Variants in HPSE2 observed in about 807,000 individuals in gnomAD.
HPSE2 encodes the protein inactive heparanase-2.
Under a neutral mutation model 60.5 loss-of-function variants are expected in HPSE2, and 38 were observed. The observed-to-expected ratio is 0.63, with a 90% CI of 0.48 to 0.82. The LOEUF (loss-of-function observed/expected upper bound fraction) is 0.82, where lower values mean the gene tolerates loss of function less well. Among genes scored for constraint, HPSE2 ranks in the 40% least tolerant of loss-of-function variants. HPSE2 has a pLI of 0.00. For synonymous variants in HPSE2, 295 were observed against 293.2 expected, an observed-to-expected ratio of 1.01 and a Z score of -0.06; for missense variants, 713 against 740.4, an observed-to-expected ratio of 0.96 and a Z score of 0.43.
At chr10:98,879,416 T>C (rs1389979435) in intron 3 of HPSE2, among the ~76,000 whole-genome samples, 2 of 152,184 alleles carry the variant, frequency 1.3e-5, no homozygotes, top group Admixed American at 6.6e-5. Context: ...ACACAATACA[T>C]ACACTATAAA....
chr10:98,788,693 G>C (rs1950587061), intron 3 of HPSE2, among the ~76,000 whole-genome samples: 1 of 152,020 alleles, frequency 6.6e-6, no homozygotes, highest in Non-Finnish European at 1.5e-5. Context: ...ATTTGGGTGG[G>C]AGTGACCCGA....
chr10:99,282,753 A>G, the HPSE2 span, among the ~76,000 whole-genome samples: 1 of 152,206 alleles, frequency 6.6e-6, no homozygotes, highest in Non-Finnish European at 1.5e-5. Flanking sequence ...ATGCTTAAAC[A>G]AACAATCAGA....
intron 2 of HPSE2, among the ~76,000 whole-genome samples, chr10:99,180,856 C>A (rs1226362154): frequency 7.9e-6 from 1 of 126,612 alleles, no homozygotes; most frequent in African/African-American, 2.9e-5. Flanking sequence ...AGCCACTGCA[C>A]TCCAGCCTGG....
chr10:98,467,865 G>GA (rs1225575363), intron 11 of HPSE2, among the ~76,000 whole-genome samples: 5 of 152,376 alleles, frequency 3.3e-5, no homozygotes, highest in African/African-American at 7.2e-5. Flanking sequence ...GGAAACGTGC[G>GA]AAACGGGACT....
intron 3 of HPSE2, among the ~76,000 whole-genome samples, chr10:99,015,899 T>C (rs1180073300): frequency 6.6e-6 from 1 of 152,266 alleles, no homozygotes; most frequent in Non-Finnish European, 1.5e-5. Flanking sequence ...CTTGTTTTTT[T>C]CCTATAAATT....
chr10:98,719,215 C>T (rs1948861113), intron 5 of HPSE2, among the ~76,000 whole-genome samples: 2 of 152,076 alleles, frequency 1.3e-5, no homozygotes, highest in South Asian at 4.2e-4. Context: ...ACTCATTCAA[C>T]AAGCATTTAT....
chr10:98,841,027 G>C (rs528647603), intron 3 of HPSE2, among the ~76,000 whole-genome samples: 11 of 152,262 alleles, frequency 7.2e-5, no homozygotes, highest in African/African-American at 2.4e-4. Context: ...GGAGGCCAAG[G>C]GGGGCGAATC....
chr10:98,893,582 A>G (rs1232236539), intron 3 of HPSE2, among the ~76,000 whole-genome samples: 1 of 152,208 alleles, frequency 6.6e-6, no homozygotes, highest in Non-Finnish European at 1.5e-5. Context: ...ATAGCAAATT[A>G]GATACCCTGA....
chr10:98,809,719 G>A (rs940895217), intron 3 of HPSE2, among the ~76,000 whole-genome samples: 1 of 152,040 alleles, frequency 6.6e-6, no homozygotes, highest in Non-Finnish European at 1.5e-5. Context: ...TTAGTGCAAG[G>A]TGGATCTTGA....
intron 6 of HPSE2, among the ~76,000 whole-genome samples, chr10:98,689,156 A>G (rs555350): frequency 0.35 from 53,662 of 151,874 alleles, 9,718 homozygotes; most frequent in Admixed American, 0.41. Context: ...GGAGAAGTTC[A>G]GCTTTGATTT....
chr10:98,837,363 T>C (rs1485446699), intron 3 of HPSE2, among the ~76,000 whole-genome samples: 2 of 152,174 alleles, frequency 1.3e-5, no homozygotes, highest in Non-Finnish European at 2.9e-5. Context: ...GTGTACTTTA[T>C]ATAAGGTAGA....
intron 4 of HPSE2, among the ~76,000 whole-genome samples, chr10:98,725,882 A>G (rs1296769994): frequency 1.3e-5 from 2 of 152,226 alleles, no homozygotes; most frequent in African/African-American, 2.4e-5. Context: ...AACACATGAA[A>G]AAATGCTCAC....
rs149874945 is a variant in HPSE2 at position 98,607,932 on chromosome 10, T to C, written c.1320+6972A>G. Among the ~76,000 whole-genome samples, 503 of 152,310 alleles carry C rather than the reference T, an allele frequency of 3.3e-3. 2 individuals carry two copies. The highest frequency in any genetic ancestry group is 5.3e-3 in the Non-Finnish European group (358 of 68,026). ...TATTAATGATAATTATTGTGACTTA[T>C]AGAATTTTAACAAAGTGACTTTATA... On this transcript the variant is annotated intron_variant, in intron 9 of 11. Transcript: ENST00000370552.
intron 2 of HPSE2, among the ~76,000 whole-genome samples, chr10:99,226,029 A>G (rs1213847052): frequency 1.3e-5 from 2 of 152,088 alleles, no homozygotes; most frequent in Admixed American, 1.3e-4. Flanking sequence ...ATTTCTATTT[A>G]ACAAAAATGT....
intron 3 of HPSE2, among the ~76,000 whole-genome samples, chr10:98,914,289 C>G (rs1030926567): frequency 1.6e-4 from 25 of 152,072 alleles, no homozygotes; most frequent in African/African-American, 4.8e-5. Flanking sequence ...TCCTTGCTTT[C>G]CACCATGATT....
chr10:99,163,658 T>G (rs1357626188), intron 2 of HPSE2, among the ~76,000 whole-genome samples: 1 of 152,200 alleles, frequency 6.6e-6, no homozygotes, highest in East Asian at 1.9e-4. Context: ...GTTTTTCTAC[T>G]AGAACTATTT....
intron 3 of HPSE2, among the ~76,000 whole-genome samples, chr10:98,972,637 C>T (rs970363100): frequency 2.6e-5 from 4 of 152,068 alleles, no homozygotes; most frequent in African/African-American, 9.7e-5. Context: ...GAAATTGTAT[C>T]ATTGAGTTAT....
intron 3 of HPSE2, among the ~76,000 whole-genome samples, chr10:99,119,930 T>C (rs1844879943): frequency 6.6e-6 from 1 of 152,104 alleles, no homozygotes; most frequent in South Asian, 2.1e-4. Flanking sequence ...CCTTACACCA[T>C]ATACAAAAAT....
chr10:99,110,593 A>C (rs1589672071), intron 3 of HPSE2, among the ~76,000 whole-genome samples: 1 of 152,322 alleles, frequency 6.6e-6, no homozygotes, highest in South Asian at 2.1e-4. Flanking sequence ...TTGGCCATTA[A>C]AAATAATGAT....
Sources: gnomAD v4.1 joint callset for allele counts (sites outside exome capture counted in the v4.1 genomes callset) on GRCh38, gnomAD v4.1.1 for gene constraint, MANE v1.5 for transcripts, NCBI Gene and HGNC (gene_info 2026-07-23, HGNC 2026-07-21) for gene names.